TMEM132D: variants seen among roughly 807,000 people sequenced by gnomAD.
TMEM132D encodes the protein transmembrane protein 132D.
A neutral mutation model predicts 62.3 loss-of-function variants in TMEM132D; 21 were observed. The observed-to-expected ratio is 0.34, with a 90% CI of 0.24 to 0.49. The LOEUF (loss-of-function observed/expected upper bound fraction) is 0.49, where lower values mean the gene tolerates loss of function less well. Ranked by LOEUF, TMEM132D falls within the 20% of genes least tolerant of loss-of-function variation. The pLI is 0.99. For synonymous variants in TMEM132D, 621 were observed against 575.6 expected, an observed-to-expected ratio of 1.08 and a Z score of -1.13; for missense variants, 1,346 against 1,402.8, an observed-to-expected ratio of 0.96 and a Z score of 0.65.
intron 2 of TMEM132D, among the ~76,000 whole-genome samples, chr12:129,669,688 G>A (rs1246671633): frequency 6.6e-6 from 1 of 151,010 alleles, no homozygotes; most frequent in Non-Finnish European, 1.5e-5. Flanking sequence ...CTGGGCAACG[G>A]AGCAAGACTC....
chr12:129,191,815 C>G (rs11609669), intron 5 of TMEM132D, among the ~76,000 whole-genome samples: 10,572 of 152,060 alleles, frequency 0.07, 488 homozygotes, highest in Middle Eastern at 0.1. Flanking sequence ...CTGTTTTTGT[C>G]CTCCAGTTGG....
At chr12:129,231,241 C>A (rs1879631681) in intron 4 of TMEM132D, among the ~76,000 whole-genome samples, 1 of 152,234 alleles carries the variant, frequency 6.6e-6, no homozygotes, top group Admixed American at 6.5e-5. Context: ...TAACACAGGG[C>A]TCTTAGGGCA....
chr12:129,628,645 T>C (rs1360130243), intron 2 of TMEM132D, among the ~76,000 whole-genome samples: 1 of 152,124 alleles, frequency 6.6e-6, no homozygotes, highest in Admixed American at 6.5e-5. Context: ...AATCATTCAG[T>C]GGACAAGGAG....
At chr12:129,200,248 G>C (rs10847793) in intron 5 of TMEM132D, among the ~76,000 whole-genome samples, 31,808 of 151,992 alleles carry the variant, frequency 0.21, 3,839 homozygotes, top group East Asian at 0.5. Flanking sequence ...ACCACCTTTT[G>C]CCACATGATG....
intron 1 of TMEM132D, among the ~76,000 whole-genome samples, chr12:129,800,184 G>A (rs1871719518): frequency 6.6e-6 from 1 of 152,120 alleles, no homozygotes; most frequent in African/African-American, 2.4e-5. Context: ...AATTGCCCCA[G>A]AAAGGACGTG....
intron 2 of TMEM132D, among the ~76,000 whole-genome samples, chr12:129,620,465 G>A (rs913753082): frequency 1.3e-5 from 2 of 152,166 alleles, no homozygotes; most frequent in African/African-American, 4.8e-5. Context: ...TGGGTATGGT[G>A]GCACATGCCT....
chr12:129,274,395 G>T (rs1022963220), intron 4 of TMEM132D, among the ~76,000 whole-genome samples: 1 of 152,164 alleles, frequency 6.6e-6, no homozygotes, highest in Non-Finnish European at 1.5e-5. Context: ...CGAGGTACAG[G>T]TCTTCTCTCC....
intron 5 of TMEM132D, among the ~76,000 whole-genome samples, chr12:129,090,406 C>T (rs1874868602): frequency 6.6e-6 from 1 of 152,174 alleles, no homozygotes; most frequent in Admixed American, 6.5e-5. Context: ...AGGCTCACAC[C>T]TTTAATCCCA....
intron 2 of TMEM132D, among the ~76,000 whole-genome samples, chr12:129,551,936 G>T (rs1033711208): frequency 1.3e-5 from 2 of 152,140 alleles, no homozygotes; most frequent in Admixed American, 1.3e-4. Context: ...TATATCACTG[G>T]GAATATGACA....
chr12:129,673,029 T>C (rs1487161022), intron 2 of TMEM132D, among the ~76,000 whole-genome samples: 1 of 152,240 alleles, frequency 6.6e-6, no homozygotes, highest in African/African-American at 2.4e-5. Flanking sequence ...ATTACAGGCA[T>C]GAGGCACCAC....
In TMEM132D at chr12:129,072,882, C is replaced by A. The variant is rs1874118427; in HGVS notation, c.*993G>T. 1 of 152,188 alleles carries A rather than the reference C, an allele frequency of 6.6e-6. No individual in the cohort carries two copies. The highest frequency in any genetic ancestry group is 6.5e-5 in the Admixed American group (1 of 15,284). The allele number at this position is 152,188 out of a possible 1,614,324, so 9.4% of individuals were successfully genotyped here. A position where few individuals can be genotyped will look rare whatever the true frequency, so the allele number is the denominator to read the frequency against. On this transcript the variant is annotated 3_prime_UTR_variant, in exon 9 of 9. Transcript: ENST00000422113. ...ACTACCGCCCATGCCTAGAGACCAGCCTCTTCAAAGACGGACGGCGTGGGA... is the reference window on the plus strand; with the variant it reads ...ACTACCGCCCATGCCTAGAGACCAGACTCTTCAAAGACGGACGGCGTGGGA...
chr12:129,548,106 A>C (rs1472578204), intron 2 of TMEM132D, among the ~76,000 whole-genome samples: 1 of 152,186 alleles, frequency 6.6e-6, no homozygotes, highest in Non-Finnish European at 1.5e-5. Flanking sequence ...TAAACCCTGC[A>C]CATTTAGTTG....
At chr12:129,685,148 C>G (rs1344287856) in intron 2 of TMEM132D, among the ~76,000 whole-genome samples, 1 of 152,144 alleles carries the variant, frequency 6.6e-6, no homozygotes, top group African/African-American at 2.4e-5. Flanking sequence ...AAGCTGGCTA[C>G]AGAAATTTGC....
intron 5 of TMEM132D, among the ~76,000 whole-genome samples, chr12:129,199,759 C>CT (rs1307937828): frequency 2.0e-5 from 3 of 152,086 alleles, no homozygotes; most frequent in African/African-American, 7.2e-5. Context: ...GGGAACTGCC[C>CT]TTTATAAAAC....
intron 1 of TMEM132D, among the ~76,000 whole-genome samples, chr12:129,848,378 C>T (rs980938977): frequency 2.0e-5 from 3 of 152,042 alleles, no homozygotes; most frequent in East Asian, 1.9e-4. Flanking sequence ...TTTTCTTCTT[C>T]GATAGATAAT....
intron 4 of TMEM132D, among the ~76,000 whole-genome samples, chr12:129,308,088 A>G (rs2135632753): frequency 6.6e-6 from 1 of 151,972 alleles, no homozygotes; most frequent in Non-Finnish European, 1.5e-5. Flanking sequence ...CTTGCCTGAC[A>G]CCTCTTTAGT....
intron 3 of TMEM132D, among the ~76,000 whole-genome samples, chr12:129,454,362 C>T (rs149415394): frequency 1.1e-3 from 166 of 152,262 alleles, no homozygotes; most frequent in African/African-American, 3.7e-3. Context: ...GATGTGGGAA[C>T]CAAAGCCAAC....
intron 3 of TMEM132D, among the ~76,000 whole-genome samples, chr12:129,497,906 T>C (rs1174630873): frequency 1.3e-5 from 2 of 151,576 alleles, no homozygotes; most frequent in Non-Finnish European, 2.9e-5. Flanking sequence ...AGTGATCCAC[T>C]CATCTCCACT....
chr12:129,144,826 T>C (rs536431862), intron 5 of TMEM132D, among the ~76,000 whole-genome samples: 4 of 152,176 alleles, frequency 2.6e-5, no homozygotes, highest in Non-Finnish European at 4.4e-5. Context: ...TCCAGCTCTC[T>C]ATTGATTATC....
Sources: allele counts gnomAD v4.1 joint callset (sites outside exome capture counted in the v4.1 genomes callset), GRCh38; gene constraint gnomAD v4.1.1; transcripts MANE v1.5; gene names NCBI Gene and HGNC (gene_info 2026-07-23, HGNC 2026-07-21).